The following CPA6 variants were observed in gnomAD, a reference collection of about 807,000 sequenced individuals.
The protein encoded by CPA6 is carboxypeptidase B.
In CPA6, 58 loss-of-function variants were observed where a neutral mutation model predicts 63.3. The observed-to-expected ratio is 0.92, with a 90% CI of 0.74 to 1.14. CPA6 has a LOEUF of 1.14. CPA6 is among the 50% of genes most tolerant of loss of function. The pLI, the probability that CPA6 is intolerant of heterozygous loss-of-function variation, is 0.00. For missense variants in CPA6, 565 were observed against 526.6 expected, an observed-to-expected ratio of 1.07 and a Z score of -0.71; for synonymous variants, 185 against 179.0, an observed-to-expected ratio of 1.03 and a Z score of -0.27.
rs527919221 is a variant in CPA6 at position 67,653,888 on chromosome 8, T to C, written c.117-29637A>G. Among the ~76,000 whole-genome samples the C allele has an allele frequency of 3.8e-3, 579 of 151,884 alleles. 3 individuals are homozygous for C. Among genetic ancestry groups the C allele is most frequent in the African/African-American group, 0.013 (521 of 41,346 alleles). The stretch of plus-strand genomic sequence containing the variant: ...ATATTGGCTGTGGGTTTGTCATAGA[T>C]AGCTCTTATTATTTTGAGATACGTC... On this transcript the variant is annotated intron_variant, in intron 1 of 10. Transcript: ENST00000297770.
At chr8:67,471,203 T>A (rs1389277251) in intron 8 of CPA6, among the ~76,000 whole-genome samples, 1 of 152,154 alleles carries the variant, frequency 6.6e-6, no homozygotes, top group Non-Finnish European at 1.5e-5. Flanking sequence ...TCCTTCTGTG[T>A]GCACTGTCTT....
At chr8:67,711,345 G>T (rs1357385959) in intron 1 of CPA6, among the ~76,000 whole-genome samples, 1 of 152,184 alleles carries the variant, frequency 6.6e-6, no homozygotes, top group Non-Finnish European at 1.5e-5. Flanking sequence ...ATGTTAATTT[G>T]CTAGAAAACT....
chr8:67,446,445 T>C (rs1810418986), intron 8 of CPA6, among the ~76,000 whole-genome samples: 1 of 152,104 alleles, frequency 6.6e-6, no homozygotes. Flanking sequence ...TTTCAATGTT[T>C]TATTTCTGTC....
At chr8:67,449,483 C>G (rs1810506994) in intron 8 of CPA6, among the ~76,000 whole-genome samples, 2 of 152,216 alleles carry the variant, frequency 1.3e-5, no homozygotes, top group Middle Eastern at 6.8e-3. Flanking sequence ...TATCCAATTC[C>G]TAAAAGCAGA....
At chr8:67,588,164 G>C (rs1169855091) in intron 2 of CPA6, among the ~76,000 whole-genome samples, 1 of 152,192 alleles carries the variant, frequency 6.6e-6, no homozygotes, top group Non-Finnish European at 1.5e-5. Context: ...GAGATTGGTT[G>C]AAGCAATGAA....
chr8:67,742,129 TGTGTGTGTGTGTGTGC>T (rs1817924613), intron 1 of CPA6, among the ~76,000 whole-genome samples: 1 of 13,708 alleles, frequency 7.3e-5, no homozygotes. Flanking sequence ...GTTCTACTTT[TGTGTGTGTGTGTGTGC>T]GCGTGTGTGT....
intron 2 of CPA6, among the ~76,000 whole-genome samples, chr8:67,553,751 A>G (rs182823205): frequency 2.6e-5 from 4 of 152,336 alleles, no homozygotes; most frequent in Non-Finnish European, 5.9e-5. Context: ...TTTAGTATCA[A>G]ATGAGAACTA....
intron 10 of CPA6, among the ~76,000 whole-genome samples, chr8:67,426,153 G>T (rs1809878482): frequency 6.6e-6 from 1 of 152,126 alleles, no homozygotes; most frequent in Admixed American, 6.5e-5. Flanking sequence ...CTTTTTAGTA[G>T]ATAAGGGGTT....
intron 2 of CPA6, among the ~76,000 whole-genome samples, chr8:67,593,610 T>C (rs1198907777): frequency 6.6e-6 from 1 of 152,248 alleles, no homozygotes; most frequent in Non-Finnish European, 1.5e-5. Context: ...TAGCTCTTCT[T>C]GTGGAATTGA....
Position 67,483,750 on chromosome 8 carries a change from A to G in CPA6, c.838+18T>C, listed in dbSNP as rs148388687. The G allele has an allele frequency of 3.1e-4, 495 of 1,605,564 alleles. 5 individuals are homozygous for G. In the East Asian group the frequency reaches 0.011, roughly 35 times the overall value. ...GCAGAAACCTTTGGATCTGGATCCC[A>G]GTTGGTCCCAAACTTACCACACCAC... On this transcript the variant is annotated intron_variant, in intron 8 of 10. Coordinates refer to ENST00000297770, the MANE Select transcript of CPA6 (RefSeq NM_020361.5).
At position 67,517,953 on chromosome 8, in the gene CPA6, G is replaced by A. The variant is rs1407045131; in HGVS notation, c.287C>T (p.Ala96Val). 3.1e-6 allele frequency: 5 copies of A among 1,612,696 alleles called. No individual in the cohort carries two copies. Among genetic ancestry groups the A allele is most frequent in the Admixed American group, 1.7e-5 (1 of 59,620 alleles). Residue 96 changes from alanine (A) to valine (V), a missense_variant, in exon 3 of 11, where the codon GCC becomes GTC. Coordinates refer to ENST00000297770, the MANE Select transcript of CPA6 (RefSeq NM_020361.5). ...IPQNGSRALLAFLQEANIQYK... is the reference protein window; with the variant it reads ...IPQNGSRALLVFLQEANIQYK... ...CTGGATGTTGGCTTCCTGTAAGAAG[G>A]CTAACAGGGCTCGGGAACCATTTTG...
chr8:67,678,147 G>T (rs373481926), intron 1 of CPA6, among the ~76,000 whole-genome samples: 80 of 151,968 alleles, frequency 5.3e-4, no homozygotes, highest in African/African-American at 1.9e-3. Context: ...AGAATCACTT[G>T]AGCCTGGGAG....
At chr8:67,745,412 A>G (rs1817989183) in intron 1 of CPA6, among the ~76,000 whole-genome samples, 1 of 152,198 alleles carries the variant, frequency 6.6e-6, no homozygotes, top group Admixed American at 6.5e-5. Flanking sequence ...ATGCTTACCT[A>G]CGGAGGGGGG....
rs367818478 is a variant in CPA6, at chr8:67,460,641, T to G, written c.838+23127A>C. Among the ~76,000 whole-genome samples the G allele has an allele frequency of 1.8e-4, 28 of 152,360 alleles. No individual in the cohort carries two copies. The South Asian group carries it at 3.7e-3, about 20-fold the overall frequency. On this transcript the variant is annotated intron_variant, in intron 8 of 10. Coordinates refer to ENST00000297770, the MANE Select transcript of CPA6 (RefSeq NM_020361.5). ...TAGTGGAATCTTTCTCTCAGAATTA[T>G]GCAGGCTAGAATGAGATGCCAAAAC...
At chr8:67,630,512 G>A (rs954299986) in intron 1 of CPA6, among the ~76,000 whole-genome samples, 3 of 152,212 alleles carry the variant, frequency 2.0e-5, no homozygotes, top group African/African-American at 7.2e-5. Flanking sequence ...AGGACCTGCT[G>A]TACCACCTTT....
intron 1 of CPA6, among the ~76,000 whole-genome samples, chr8:67,698,829 A>C (rs1033414155): frequency 1.3e-5 from 2 of 152,228 alleles, no homozygotes; most frequent in Non-Finnish European, 2.9e-5. Flanking sequence ...CAATGAAATT[A>C]ACTGAGAAAG....
At chr8:67,689,274 C>A (rs2380428) in intron 1 of CPA6, among the ~76,000 whole-genome samples, 42 of 151,458 alleles carry the variant, frequency 2.8e-4, no homozygotes, top group Middle Eastern at 3.4e-3. Context: ...ACTTCTTCTT[C>A]AAAAAAATTC....
chr8:67,657,279 G>A (rs1447905417), intron 1 of CPA6, among the ~76,000 whole-genome samples: 5 of 152,190 alleles, frequency 3.3e-5, no homozygotes, highest in African/African-American at 9.7e-5. Context: ...CGTGATTACA[G>A]CAGACTTGTG....
intron 8 of CPA6, among the ~76,000 whole-genome samples, chr8:67,456,910 G>A (rs550576991): frequency 6.6e-6 from 1 of 152,198 alleles, no homozygotes; most frequent in African/African-American, 2.4e-5. Context: ...AAGATGGTAC[G>A]CCATAGGCTT....
Sources: gnomAD v4.1 joint callset for allele counts (sites outside exome capture counted in the v4.1 genomes callset) on GRCh38, gnomAD v4.1.1 for gene constraint, MANE v1.5 for transcripts, NCBI Gene and HGNC (gene_info 2026-07-23, HGNC 2026-07-21) for gene names.